Variants in WNT5A observed in about 807,000 individuals in gnomAD.
WNT5A encodes the protein protein Wnt-5a.
WNT5A carries 9 observed loss-of-function variants against 42.1 expected under a neutral mutation model. The ratio of observed to expected loss-of-function variants is 0.21; its 90% CI spans 0.13 to 0.37. WNT5A has a LOEUF of 0.37. Among genes scored for constraint, WNT5A ranks in the 10% least tolerant of loss-of-function variants. The probability of loss-of-function intolerance (pLI) is 1.00; values close to 1 mark genes in which losing one functional copy is unlikely to be tolerated. For synonymous variants in WNT5A, 210 were observed against 210.0 expected, an observed-to-expected ratio of 1.00 and a Z score of 0.00; for missense variants, 426 against 534.0, an observed-to-expected ratio of 0.80 and a Z score of 1.99.
chr3:55,470,013 A>T lies in WNT5A; in HGVS notation c.*79T>A, dbSNP rs751478038. On this transcript the variant is annotated 3_prime_UTR_variant, in exon 5 of 5. Coordinates refer to ENST00000264634, the MANE Select transcript of WNT5A (RefSeq NM_003392.7). ...TGGGGAAAAATAAAAAATATTTCTA[A>T]AAACCAAAAACCAGAATCACTGTAC... 6.3e-7 allele frequency: 1 copy of T among 1,575,774 alleles called. No individual in the cohort carries two copies. The highest frequency in any genetic ancestry group is 1.2e-5 in the South Asian group (1 of 86,310).
chr3:55,474,602 G>T lies in WNT5A; in HGVS notation c.419C>A (p.Ala140Glu), dbSNP rs1435836716. Reference protein sequence around the residue: ...IGSRETAFTYAVSAAGVVNAM... With the variant: ...IGSRETAFTYEVSAAGVVNAM... Reference sequence around the variant, plus strand: ...GTTCACCACCCCTGCTGCGCTCACCGCGTATGTGAAGGCCGTCTCGCGGCT... The same window carrying T: ...GTTCACCACCCCTGCTGCGCTCACCTCGTATGTGAAGGCCGTCTCGCGGCT... The change falls in exon 4 of 5, where the codon GCG (alanine) becomes GAG (glutamate). Residue 140 changes from alanine (A) to glutamate (E), a missense_variant. Physicochemically the swap from Ala to Glu is moderately radical, Grantham distance 107 (BLOSUM62 -1). Coordinates refer to ENST00000264634, the MANE Select transcript of WNT5A (RefSeq NM_003392.7). 1 of 1,450,956 alleles carries T rather than the reference G, an allele frequency of 6.9e-7. No homozygotes were observed. The allele number at this position is 1,450,956 out of a possible 1,614,324, so 89.9% of individuals were successfully genotyped here.
the WNT5A span, among the ~76,000 whole-genome samples, chr3:55,496,362 A>C: frequency 1.3e-5 from 2 of 152,228 alleles, no homozygotes; most frequent in Non-Finnish European, 2.9e-5. Flanking sequence ...CCAGGGCAAA[A>C]GATCCCCATG....
upstream of WNT5A, among the ~76,000 whole-genome samples, chr3:55,488,723 G>T (rs1215673211): frequency 6.6e-6 from 1 of 152,000 alleles, no homozygotes; most frequent in African/African-American, 2.4e-5. Flanking sequence ...GGTTGTCTGC[G>T]CTCCTTCCAG....
the WNT5A span, among the ~76,000 whole-genome samples, chr3:55,496,205 G>C: frequency 6.6e-6 from 1 of 152,196 alleles, no homozygotes; most frequent in Non-Finnish European, 1.5e-5. Context: ...ACTCTGTTAT[G>C]ACTTCCCCAA....
chr3:55,485,666 G>C (rs1000383319), intron 1 of WNT5A, among the ~76,000 whole-genome samples: 11 of 152,100 alleles, frequency 7.2e-5, no homozygotes, highest in Admixed American at 5.2e-4. Flanking sequence ...GAAGGTGGCT[G>C]GGGGGAGGGC....
Position 55,469,825 on chromosome 3 carries a change from T to C in WNT5A, c.*267A>G, listed in dbSNP as rs536025476. On this transcript the variant is annotated 3_prime_UTR_variant, in exon 5 of 5. Transcript: ENST00000264634. ...TATGTGTTATTTCCCCTTCATTCTATACTATCAAAAGAAGTCTTGTATTAC... is the reference window on the plus strand; with the variant it reads ...TATGTGTTATTTCCCCTTCATTCTACACTATCAAAAGAAGTCTTGTATTAC... The C allele has an allele frequency of 5.1e-6, 2 of 390,516 alleles. No individual in the cohort carries two copies. The highest frequency in any genetic ancestry group is 4.3e-5 in the Admixed American group (1 of 23,520). The allele number at this position is 390,516 out of a possible 1,614,324, so 24.2% of individuals were successfully genotyped here. A position where few individuals can be genotyped will look rare whatever the true frequency, so the allele number is the denominator to read the frequency against.
chr3:55,472,724 T>C (rs2051276664), intron 4 of WNT5A, among the ~76,000 whole-genome samples: 1 of 152,212 alleles, frequency 6.6e-6, no homozygotes. Flanking sequence ...AACACCCAAA[T>C]GTTTAACAAC....
rs890804764 is a variant in WNT5A, at chr3:55,466,256, T to C, written c.*3836A>G. On this transcript the variant is annotated 3_prime_UTR_variant, in exon 5 of 5. Coordinates refer to ENST00000264634, the MANE Select transcript of WNT5A (RefSeq NM_003392.7). ...TTAGACCTGTGCCTTCGTGCCTATT[T>C]GCATTAAATACATGCTTCAAGTTAT... 6.6e-6 allele frequency: 1 copy of C among 152,226 alleles called. No homozygotes were observed. The highest frequency in any genetic ancestry group is 1.5e-5 in the Non-Finnish European group (1 of 68,040). The allele number at this position is 152,226 out of a possible 1,614,324, so 9.4% of individuals were successfully genotyped here.
At chr3:55,470,800 GA>G (rs1428034035) in intron 4 of WNT5A, among the ~76,000 whole-genome samples, 13 of 151,254 alleles carry the variant, frequency 8.6e-5, no homozygotes, top group Admixed American at 1.3e-4. Flanking sequence ...ATAGGAACAG[GA>G]AAAAAAAATT....
intron 3 of WNT5A, among the ~76,000 whole-genome samples, chr3:55,478,104 CCAGTATATA>C (rs948061186): frequency 2.0e-5 from 3 of 152,132 alleles, no homozygotes; most frequent in Admixed American, 1.3e-4. Context: ...GATTCAGATC[CCAGTATATA>C]CATTAGCACA....
intron 4 of WNT5A, 101 bp downstream of exon 4, chr3:55,474,236 G>T: frequency 6.9e-7 from 1 of 1,447,814 alleles, no homozygotes. Flanking sequence ...TAGCAAAGGA[G>T]TGGCAGAGGA....
At chr3:55,479,907 G>A (rs1468332874) in intron 2 of WNT5A, among the ~76,000 whole-genome samples, 1 of 152,172 alleles carries the variant, frequency 6.6e-6, no homozygotes, top group Admixed American at 6.5e-5. Context: ...ATTAGAGAAA[G>A]TGACCCACTT....
At chr3:55,486,879 G>T in intron 1 of WNT5A, 101 bp downstream of exon 1, 1 of 864,572 alleles carries the variant, frequency 1.2e-6, no homozygotes, top group East Asian at 2.5e-5. Flanking sequence ...CAGGCGGTTG[G>T]GGAAATGGAG....
chr3:55,470,452 C>T lies in WNT5A; in HGVS notation c.783G>A (p.Lys261=). The change falls in exon 5 of 5, where the codon AAG becomes AAA. Residue 261 remains lysine, a synonymous_variant. Transcript: ENST00000264634. ...TCWLQLADFR[K]VGDALKEKYD... is the part of the protein sequence containing the mutation. ...ACTTCTCCTTCAGGGCATCACCCAC[C>T]TTGCGGAAGTCTGCCAGCTGCAGCC... The T allele has an allele frequency of 6.2e-7, 1 of 1,610,806 alleles. No homozygotes were observed. Among genetic ancestry groups the T allele is most frequent in the Non-Finnish European group, 8.5e-7 (1 of 1,178,432 alleles).
In WNT5A at chr3:55,474,406, G is replaced by T. The variant is rs765672345; in HGVS notation, c.615C>A (p.Ile205=). The T allele has an allele frequency of 6.2e-7, 1 of 1,612,578 alleles. No individual in the cohort carries two copies. Among genetic ancestry groups the T allele is most frequent in the Non-Finnish European group, 8.5e-7 (1 of 1,179,734 alleles). Reference sequence around the variant, plus strand: ...CACTCTCGTAGGAGCCCTTGGCGTGGATGCGCTCCCGCTCGCGGGCGTCCA... The same window carrying T: ...CACTCTCGTAGGAGCCCTTGGCGTGTATGCGCTCCCGCTCGCGGGCGTCCA... The part of the protein sequence containing the change: ...EFVDARERER[I]HAKGSYESAR... The change falls in exon 4 of 5, where the codon ATC becomes ATA. Residue 205 remains isoleucine, a synonymous_variant. Coordinates refer to ENST00000264634, the MANE Select transcript of WNT5A (RefSeq NM_003392.7).
rs777468580 is a variant in WNT5A, at chr3:55,474,520, G to A, written c.501C>T (p.Ala167=). Residue 167 remains alanine (A), a synonymous_variant, in exon 4 of 5, where the codon GCC becomes GCT. Transcript: ENST00000264634. The part of the protein sequence containing the change: ...GELSTCGCSR[A]ARPKDLPRDW... ...CCCGCGGCAGGTCCTTGGGGCGCGCGGCGCGGCTGCAGCCGCAGGTGGACA... is the reference window on the plus strand; with the variant it reads ...CCCGCGGCAGGTCCTTGGGGCGCGCAGCGCGGCTGCAGCCGCAGGTGGACA... 2.1e-5 allele frequency: 33 copies of A among 1,559,472 alleles called. No homozygotes were observed. In the East Asian group the frequency reaches 2.2e-4, roughly 10 times the overall value.
Position 55,468,565 on chromosome 3 carries a change from T to C in WNT5A, c.*1527A>G, listed in dbSNP as rs1003259488. On this transcript the variant is annotated 3_prime_UTR_variant, in exon 5 of 5. Coordinates refer to ENST00000264634, the MANE Select transcript of WNT5A (RefSeq NM_003392.7). ...ACTGCAGTGAAGGACAACAATGCTC[T>C]AGACAGAGAAATAACCCCAGAGTAA... The C allele has an allele frequency of 6.6e-6, 1 of 151,986 alleles. No homozygotes were observed. Among genetic ancestry groups the C allele is most frequent in the African/African-American group, 2.4e-5 (1 of 41,400 alleles). The allele number at this position is 151,986 out of a possible 1,614,324, so 9.4% of individuals were successfully genotyped here. A position where few individuals can be genotyped will look rare whatever the true frequency, so the allele number is the denominator to read the frequency against.
At chr3:55,481,099 C>T (rs1251387341) in intron 1 of WNT5A, 181 bp from the exon 2 acceptor site, 3 of 720,752 alleles carry the variant, frequency 4.2e-6, no homozygotes, top group Non-Finnish European at 5.8e-6. Context: ...AATCCACCCA[C>T]GCAACCTCAC....
rs1161813750 is a variant in WNT5A at position 55,467,584 on chromosome 3, T to A, written c.*2508A>T. ...AAGGACAATTGAAACCACTTACCAA[T>A]ATACAAGTAACGTTTTATTTTATAT... is the stretch of plus-strand genomic sequence containing the variant. On this transcript the variant is annotated 3_prime_UTR_variant, in exon 5 of 5. Coordinates refer to ENST00000264634, the MANE Select transcript of WNT5A (RefSeq NM_003392.7). 1.3e-5 allele frequency: 2 copies of A among 152,600 alleles called. No individual in the cohort carries two copies. Among genetic ancestry groups the A allele is most frequent in the Non-Finnish European group, 2.9e-5 (2 of 68,028 alleles). The allele number at this position is 152,600 out of a possible 1,614,324, so 9.5% of individuals were successfully genotyped here. A position where few individuals can be genotyped will look rare whatever the true frequency, so the allele number is the denominator to read the frequency against.
Sources: allele counts gnomAD v4.1 joint callset (sites outside exome capture counted in the v4.1 genomes callset), GRCh38; gene constraint gnomAD v4.1.1; transcripts MANE v1.5; gene names NCBI Gene and HGNC (gene_info 2026-07-23, HGNC 2026-07-21).